Variants in SUMF1 observed in about 807,000 individuals in gnomAD.
The protein encoded by SUMF1 is sulfatase modifying factor 1.
Under a neutral mutation model 47.6 loss-of-function variants are expected in SUMF1, and 48 were observed. That is an observed-to-expected ratio of 1.01 (90% confidence interval 0.80 to 1.28). The LOEUF is 1.28. Ranked by LOEUF, SUMF1 falls within the 50% of genes most tolerant of loss-of-function variation. The probability of loss-of-function intolerance (pLI) is 0.00; values close to 1 mark genes in which losing one functional copy is unlikely to be tolerated. For synonymous variants in SUMF1, 230 were observed against 192.1 expected (o/e 1.20, Z -1.63); for missense variants, 571 against 485.4 (o/e 1.18, Z -1.66).
intron 8 of SUMF1, chr3:4,314,129 C>G (rs556441256): frequency 1.5e-4 from 42 of 285,530 alleles, no homozygotes; most frequent in Non-Finnish European, 2.4e-4. Flanking sequence ...CAGGATGACC[C>G]TGGGAAAGGA....
intron 7 of SUMF1, among the ~76,000 whole-genome samples, chr3:4,407,979 C>T (rs947427121): frequency 3.9e-5 from 6 of 152,218 alleles, no homozygotes; most frequent in Admixed American, 3.3e-4. Context: ...CAAATCATCT[C>T]AATTCCTGAC....
intron 2 of SUMF1, among the ~76,000 whole-genome samples, chr3:4,450,634 G>C (rs1472312044): frequency 1.3e-5 from 2 of 151,994 alleles, no homozygotes; most frequent in African/African-American, 4.8e-5. Context: ...TTAAGTGTGG[G>C]AGCACAGAAA....
intron 7 of SUMF1, among the ~76,000 whole-genome samples, chr3:4,392,072 C>T (rs907992695): frequency 6.6e-6 from 1 of 152,144 alleles, no homozygotes; most frequent in African/African-American, 2.4e-5. Context: ...AAGCGATCCA[C>T]TCGCCTCAGC....
At chr3:4,158,750 T>C (rs980764760) in intron 8 of SUMF1, among the ~76,000 whole-genome samples, 2 of 151,588 alleles carry the variant, frequency 1.3e-5, no homozygotes, top group African/African-American at 4.9e-5. Context: ...TTTGTCTCTT[T>C]TTATAGTTTT....
At chr3:4,036,310 T>G (rs1330976219) in intron 9 of SUMF1, among the ~76,000 whole-genome samples, 1 of 152,202 alleles carries the variant, frequency 6.6e-6, no homozygotes, top group Non-Finnish European at 1.5e-5. Flanking sequence ...ATAGCTCATT[T>G]AGAGCTCCTA....
chr3:4,084,660 C>A (rs764032272), intron 8 of SUMF1, among the ~76,000 whole-genome samples: 7 of 152,056 alleles, frequency 4.6e-5, no homozygotes, highest in Non-Finnish European at 7.4e-5. Context: ...GATCTTTGAT[C>A]CATAGAACTG....
At chr3:4,238,149 T>C (rs1009776276) in intron 8 of SUMF1, among the ~76,000 whole-genome samples, 10 of 152,184 alleles carry the variant, frequency 6.6e-5, no homozygotes, top group Admixed American at 6.5e-5. Context: ...ATGGTGCATA[T>C]GTGCCATATT....
chr3:4,126,637 T>G (rs757385486), intron 8 of SUMF1, among the ~76,000 whole-genome samples: 3 of 152,220 alleles, frequency 2.0e-5, no homozygotes, highest in African/African-American at 7.2e-5. Context: ...AACAAGGGTA[T>G]GAATACAACC....
chr3:4,094,950 T>A (rs1347379201), intron 8 of SUMF1, among the ~76,000 whole-genome samples: 4 of 152,092 alleles, frequency 2.6e-5, no homozygotes, highest in Non-Finnish European at 4.4e-5. Context: ...GAACCAGTGT[T>A]CTACAGAACA....
chr3:4,135,131 C>T (rs2125090736), intron 8 of SUMF1, among the ~76,000 whole-genome samples: 1 of 152,218 alleles, frequency 6.6e-6, no homozygotes, highest in Middle Eastern at 3.4e-3. Context: ...ATGATGCCAG[C>T]ATCATCCTGA....
At chr3:4,301,917 T>C (rs1697976559) in intron 8 of SUMF1, among the ~76,000 whole-genome samples, 1 of 152,158 alleles carries the variant, frequency 6.6e-6, no homozygotes, top group African/African-American at 2.4e-5. Context: ...GTGGATGTTA[T>C]TAATGAGAAA....
intron 1 of SUMF1, among the ~76,000 whole-genome samples, chr3:4,464,074 G>C (rs1319925952): frequency 1.3e-5 from 2 of 152,030 alleles, no homozygotes; most frequent in African/African-American, 2.4e-5. Context: ...AACAAAAAAA[G>C]ACTCATCTAA....
chr3:4,122,825 C>T (rs752155310), intron 8 of SUMF1, among the ~76,000 whole-genome samples: 3 of 152,136 alleles, frequency 2.0e-5, no homozygotes, highest in African/African-American at 4.8e-5. Context: ...AACTGTTGCC[C>T]AGGCTCAGCA....
rs145581742 is a variant in SUMF1 at position 4,239,402 on chromosome 3, A to G, written c.1014+136928T>C. 8.1e-3 allele frequency among the ~76,000 whole-genome samples: 1,227 copies of G among 152,272 alleles called. 8 individuals carry two copies. Among genetic ancestry groups the G allele is most frequent in the Non-Finnish European group, 0.011 (728 of 68,000 alleles). Reference sequence around the variant, plus strand: ...TTCATGATATTGATTACTCCTATCCATAAGCATGGAATGTTTTCCCATTTG... The same window carrying G: ...TTCATGATATTGATTACTCCTATCCGTAAGCATGGAATGTTTTCCCATTTG... On this transcript the variant is annotated intron_variant and NMD_transcript_variant, in intron 8 of 12. Transcript: ENST00000448413.
chr3:4,118,225 G>A (rs1178507145), intron 8 of SUMF1, among the ~76,000 whole-genome samples: 3 of 151,754 alleles, frequency 2.0e-5, no homozygotes, highest in African/African-American at 7.3e-5. Context: ...TATTTACAGA[G>A]AGAAGAGAAG....
intron 8 of SUMF1, among the ~76,000 whole-genome samples, chr3:4,190,887 C>T (rs1182821062): frequency 1.3e-5 from 2 of 152,084 alleles, no homozygotes; most frequent in African/African-American, 2.4e-5. Context: ...CCACTATAAT[C>T]GGGGTGCTAG....
chr3:4,328,249 T>C (rs569030082), intron 8 of SUMF1, among the ~76,000 whole-genome samples: 1 of 152,008 alleles, frequency 6.6e-6, no homozygotes, highest in Non-Finnish European at 1.5e-5. Context: ...AAAAAATAAA[T>C]GAATAAAAAT....
At chr3:4,189,986 T>C (rs1418157059) in intron 8 of SUMF1, among the ~76,000 whole-genome samples, 1 of 152,170 alleles carries the variant, frequency 6.6e-6, no homozygotes, top group Non-Finnish European at 1.5e-5. Context: ...TAAATATAGC[T>C]CCAGTAGCTG....
intron 8 of SUMF1, among the ~76,000 whole-genome samples, chr3:4,258,200 G>T (rs1394006139): frequency 3.4e-5 from 5 of 149,180 alleles, no homozygotes; most frequent in Non-Finnish European, 5.9e-5. Flanking sequence ...ACATAGGCAC[G>T]GGCAAGGACT....
Sources: gnomAD v4.1 joint callset for allele counts (sites outside exome capture counted in the v4.1 genomes callset) on GRCh38, gnomAD v4.1.1 for gene constraint, MANE v1.5 for transcripts, NCBI Gene and HGNC (gene_info 2026-07-23, HGNC 2026-07-21) for gene names.